The following ENTREP2 variants were observed in gnomAD, a reference collection of about 807,000 sequenced individuals.
ENTREP2 encodes protein ENTREP2.
the ENTREP2 span, among the ~76,000 whole-genome samples, chr15:29,388,669 G>A: frequency 6.6e-6 from 1 of 151,924 alleles, no homozygotes; most frequent in Non-Finnish European, 1.5e-5. Flanking sequence ...ATGCACACAC[G>A]TTTATTGCAG....
At chr15:29,628,221 GTAA>G in the ENTREP2 span, among the ~76,000 whole-genome samples, 12 of 152,172 alleles carry the variant, frequency 7.9e-5, no homozygotes, top group Non-Finnish European at 1.6e-4. Context: ...CATTTCTCTA[GTAA>G]TAATGTTTAA....
chr15:29,206,724 G>A, the ENTREP2 span, among the ~76,000 whole-genome samples: 2 of 152,102 alleles, frequency 1.3e-5, no homozygotes, highest in Admixed American at 6.5e-5. Flanking sequence ...GACTGGGGTG[G>A]TGACGCACAT....
the ENTREP2 span, chr15:29,123,451 G>A: frequency 6.4e-7 from 1 of 1,551,550 alleles, no homozygotes; most frequent in Admixed American, 2.0e-5. Flanking sequence ...GGTGGGGAGG[G>A]CACAGTGTGA....
At chr15:29,356,296 AT>A in the ENTREP2 span, among the ~76,000 whole-genome samples, 48 of 34,318 alleles carry the variant, frequency 1.4e-3, no homozygotes, top group South Asian at 3.8e-3. Flanking sequence ...ATATATATAT[AT>A]TTTTTTTTTT....
chr15:29,124,880 TGAGC>T, the ENTREP2 span: 2 of 904,586 alleles, frequency 2.2e-6, no homozygotes, highest in Non-Finnish European at 1.7e-6. Flanking sequence ...AGAAGCCTGC[TGAGC>T]TGACACCCAC....
chr15:29,654,373 C>A, the ENTREP2 span, among the ~76,000 whole-genome samples: 1 of 152,188 alleles, frequency 6.6e-6, no homozygotes, highest in African/African-American at 2.4e-5. Flanking sequence ...CATGTTTGTG[C>A]GGTTGGAGAA....
chr15:29,571,845 G>A, the ENTREP2 span, among the ~76,000 whole-genome samples: 1 of 152,112 alleles, frequency 6.6e-6, no homozygotes, highest in Admixed American at 6.5e-5. Flanking sequence ...GTGTTGAAAA[G>A]GGCTGCATTG....
chr15:29,374,707 A>G, the ENTREP2 span: 1 of 152,048 alleles, frequency 6.6e-6, no homozygotes, highest in South Asian at 2.1e-4. Context: ...CACATATATT[A>G]GTGTTTCTGG....
chr15:29,217,194 A>G, the ENTREP2 span, among the ~76,000 whole-genome samples: 2 of 152,196 alleles, frequency 1.3e-5, no homozygotes, highest in Non-Finnish European at 2.9e-5. Context: ...AGCTTGCCAC[A>G]GTATCTTATC....
At chr15:29,188,264 C>T in the ENTREP2 span, among the ~76,000 whole-genome samples, 1 of 152,098 alleles carries the variant, frequency 6.6e-6, no homozygotes, top group East Asian at 1.9e-4. Flanking sequence ...TTTAATTATA[C>T]TTTAAGTTTT....
chr15:29,216,757 TACTC>T, the ENTREP2 span, among the ~76,000 whole-genome samples: 2 of 152,168 alleles, frequency 1.3e-5, no homozygotes, highest in South Asian at 2.1e-4. Flanking sequence ...AAGTAACAAA[TACTC>T]AATGTAGACA....
At chr15:29,567,056 A>T in the ENTREP2 span, among the ~76,000 whole-genome samples, 3 of 152,180 alleles carry the variant, frequency 2.0e-5, no homozygotes, top group African/African-American at 7.2e-5. Flanking sequence ...TAGTCTTCTA[A>T]ACTATGAACA....
At chr15:29,674,375 T>C in the ENTREP2 span, among the ~76,000 whole-genome samples, 3 of 152,082 alleles carry the variant, frequency 2.0e-5, no homozygotes, top group African/African-American at 7.2e-5. Context: ...GCTCAAGCGA[T>C]TCTCCTGCCT....
At chr15:29,535,420 A>C in the ENTREP2 span, among the ~76,000 whole-genome samples, 2 of 151,928 alleles carry the variant, frequency 1.3e-5, no homozygotes, top group Admixed American at 6.6e-5. Flanking sequence ...ATGGTGGCTC[A>C]TGCCTGTAAT....
the ENTREP2 span, among the ~76,000 whole-genome samples, chr15:29,561,472 G>A: frequency 6.6e-6 from 1 of 152,126 alleles, no homozygotes; most frequent in Non-Finnish European, 1.5e-5. Flanking sequence ...CCGATCACGA[G>A]GTCAGGAGAT....
the ENTREP2 span, among the ~76,000 whole-genome samples, chr15:29,441,477 T>C: frequency 6.6e-6 from 1 of 152,196 alleles, no homozygotes; most frequent in South Asian, 2.1e-4. Flanking sequence ...CATTTGACAC[T>C]GCTAACCAAC....
the ENTREP2 span, among the ~76,000 whole-genome samples, chr15:29,473,398 GT>G: frequency 6.6e-6 from 1 of 152,104 alleles, no homozygotes; most frequent in Non-Finnish European, 1.5e-5. Context: ...GGCAGCTGCA[GT>G]TCCCCCCATG....
At chr15:29,395,772 G>A in the ENTREP2 span, among the ~76,000 whole-genome samples, 57 of 151,938 alleles carry the variant, frequency 3.8e-4, 1 homozygote, top group African/African-American at 1.1e-3. Flanking sequence ...GGGTGCCAAC[G>A]ATCCTCCTGC....
the ENTREP2 span, chr15:29,377,045 AG>A: frequency 6.6e-6 from 1 of 152,050 alleles, no homozygotes; most frequent in African/African-American, 2.4e-5. Flanking sequence ...AGTTGGGGGG[AG>A]GGCAGGCCAG....
Sources: allele counts gnomAD v4.1 joint callset (sites outside exome capture counted in the v4.1 genomes callset), GRCh38; gene constraint gnomAD v4.1.1; transcripts MANE v1.5; gene names NCBI Gene and HGNC (gene_info 2026-07-23, HGNC 2026-07-21).